MAP3K20: variants seen among roughly 807,000 people sequenced by gnomAD.
MAP3K20 encodes HCCS-4.
Under a neutral mutation model 85.7 loss-of-function variants are expected in MAP3K20, and 40 were observed. The observed-to-expected ratio is 0.47, with a 90% confidence interval of 0.36 to 0.61. The LOEUF is 0.61. MAP3K20 is among the 20% of genes least tolerant of loss of function. MAP3K20 has a pLI of 0.00. For missense variants in MAP3K20, 817 were observed against 961.7 expected (o/e 0.85, Z 1.99); for synonymous variants, 325 against 327.7 (o/e 0.99, Z 0.09).
intron 10 of MAP3K20, 54 bp downstream of exon 10, chr2:173,209,889 G>A (rs530657588): frequency 4.0e-5 from 58 of 1,435,348 alleles, no homozygotes; most frequent in African/African-American, 2.5e-4. Context: ...ACCATCACTC[G>A]TCTCAATGAA....
At chr2:173,084,424 CAAA>C (rs60463346) in intron 1 of MAP3K20, among the ~76,000 whole-genome samples, 2,266 of 136,584 alleles carry the variant, frequency 0.017, 59 homozygotes, top group African/African-American at 0.057. Context: ...CCAAAAAGTG[CAAA>C]AAAAAAAAAA....
At chr2:173,254,883 G>GT (rs1365151516) in intron 16 of MAP3K20, among the ~76,000 whole-genome samples, 1 of 152,234 alleles carries the variant, frequency 6.6e-6, no homozygotes, top group Non-Finnish European at 1.5e-5. Context: ...GCTACCTGGA[G>GT]TTAGGTCAGG....
Position 173,266,857 on chromosome 2 carries a change from A to C in MAP3K20, c.*107A>C. 4 of 1,129,384 alleles carry C rather than the reference A, an allele frequency of 3.5e-6. No individual in the cohort carries two copies. The highest frequency in any genetic ancestry group is 4.7e-6 in the Non-Finnish European group (4 of 847,862). The allele number at this position is 1,129,384 out of a possible 1,614,324, so 70.0% of individuals were successfully genotyped here. ...TTCAGATTGAATTAACGAAAAGACA[A>C]CACTTCCAGTTTTTGGATTGGGAAA... On this transcript the variant is annotated 3_prime_UTR_variant, in exon 20 of 20. Transcript: ENST00000375213.
intron 1 of MAP3K20, among the ~76,000 whole-genome samples, chr2:173,088,490 T>G (rs1457772327): frequency 6.6e-6 from 1 of 152,188 alleles, no homozygotes. Flanking sequence ...TATAAGCACA[T>G]TCTTTAGAAA....
At chr2:173,107,191 A>G (rs2106167601) in intron 2 of MAP3K20, among the ~76,000 whole-genome samples, 1 of 152,262 alleles carries the variant, frequency 6.6e-6, no homozygotes, top group Non-Finnish European at 1.5e-5. Context: ...AGGTGGTAGG[A>G]AAGAGTACTG....
At chr2:173,224,222 T>A in intron 11 of MAP3K20, 3 of 981,902 alleles carry the variant, frequency 3.1e-6, no homozygotes, top group Non-Finnish European at 3.6e-6. Flanking sequence ...ACTGATAAGG[T>A]AACATTTGAG....
intron 16 of MAP3K20, among the ~76,000 whole-genome samples, chr2:173,258,446 T>C (rs1343341213): frequency 1.3e-5 from 2 of 152,166 alleles, no homozygotes; most frequent in Non-Finnish European, 2.9e-5. Flanking sequence ...CCTAGTCCCT[T>C]CAGGATTTTG....
chr2:173,148,941 G>A (rs974968469), intron 2 of MAP3K20, among the ~76,000 whole-genome samples: 17 of 152,280 alleles, frequency 1.1e-4, no homozygotes, highest in Middle Eastern at 3.4e-3. Flanking sequence ...ATTGAGCCAG[G>A]TGTTTACAAA....
At chr2:173,143,718 GGAA>G (rs1378965323) in intron 2 of MAP3K20, among the ~76,000 whole-genome samples, 1 of 152,068 alleles carries the variant, frequency 6.6e-6, no homozygotes, top group Non-Finnish European at 1.5e-5. Flanking sequence ...AGATTGGAGA[GGAA>G]GAAGTAAAAC....
chr2:173,206,514 T>C (rs1420266624), intron 9 of MAP3K20, among the ~76,000 whole-genome samples: 2 of 152,230 alleles, frequency 1.3e-5, no homozygotes, highest in Admixed American at 6.5e-5. Flanking sequence ...TGATCTCCTC[T>C]AGACACACCT....
intron 11 of MAP3K20, chr2:173,222,298 T>C (rs899651700): frequency 3.2e-5 from 32 of 985,750 alleles, no homozygotes; most frequent in Non-Finnish European, 3.7e-5. Flanking sequence ...TCTTCAGAAA[T>C]ACCTAAGTGC....
intron 2 of MAP3K20, among the ~76,000 whole-genome samples, chr2:173,110,605 A>G (rs1423732245): frequency 6.6e-6 from 1 of 151,740 alleles, no homozygotes; most frequent in Non-Finnish European, 1.5e-5. Flanking sequence ...CCCAAAGCCC[A>G]TTGCATCATT....
chr2:173,129,325 A>T (rs1161132459), intron 2 of MAP3K20, among the ~76,000 whole-genome samples: 1 of 150,906 alleles, frequency 6.6e-6, no homozygotes, highest in South Asian at 2.1e-4. Context: ...TCTTGCATGC[A>T]TTATTTCATT....
rs985736456 is a variant in MAP3K20 at position 173,145,483 on chromosome 2, A to G, written c.160-24322A>G. ...AGAGGATTAGAATAGTCATCTCACA[A>G]AAAGTTATATGAATAATCAATAAGC... On this transcript the variant is annotated intron_variant, in intron 2 of 19. Transcript: ENST00000375213. 3.3e-5 allele frequency among the ~76,000 whole-genome samples: 5 copies of G among 152,362 alleles called. No homozygotes were observed. The South Asian group carries it at 8.3e-4, about 25-fold the overall frequency.
At chr2:173,089,406 C>T (rs1045866400) in intron 1 of MAP3K20, among the ~76,000 whole-genome samples, 2 of 151,158 alleles carry the variant, frequency 1.3e-5, no homozygotes, top group Non-Finnish European at 1.5e-5. Context: ...CATGCATTTC[C>T]CAAGCAATAC....
chr2:173,149,207 G>A (rs997428199), intron 2 of MAP3K20, among the ~76,000 whole-genome samples: 1 of 152,168 alleles, frequency 6.6e-6, no homozygotes, highest in African/African-American at 2.4e-5. Context: ...TATTCTCATG[G>A]TACTTTTCAC....
intron 11 of MAP3K20, among the ~76,000 whole-genome samples, chr2:173,228,500 G>A (rs1684444190): frequency 6.6e-6 from 1 of 152,142 alleles, no homozygotes; most frequent in African/African-American, 2.4e-5. Flanking sequence ...CTCTATACCA[G>A]AGAACTTAGC....
intron 16 of MAP3K20, among the ~76,000 whole-genome samples, chr2:173,246,598 G>A (rs1684919712): frequency 6.6e-6 from 1 of 152,132 alleles, no homozygotes; most frequent in Non-Finnish European, 1.5e-5. Context: ...AGATCTTTTT[G>A]AGACTTCGTG....
rs545490558 is a variant in MAP3K20 at position 173,181,851 on chromosome 2, T to G, written c.248-1003T>G. Among the ~76,000 whole-genome samples the G allele has an allele frequency of 4.1e-5, 6 of 147,956 alleles. 1 individual carries two copies. The South Asian group carries it at 1.3e-3, about 32-fold the overall frequency. The stretch of plus-strand genomic sequence containing the variant: ...ATTGCTTGAGCTCAGGAGTTTGAGA[T>G]TACCCTAAGCAACACAGCAAGACCT... On this transcript the variant is annotated intron_variant, in intron 3 of 19. Coordinates refer to ENST00000375213, the MANE Select transcript of MAP3K20 (RefSeq NM_016653.3).
Sources: allele counts gnomAD v4.1 joint callset (sites outside exome capture counted in the v4.1 genomes callset), GRCh38; gene constraint gnomAD v4.1.1; transcripts MANE v1.5; gene names NCBI Gene and HGNC (gene_info 2026-07-23, HGNC 2026-07-21).